Variants in B3GALT1 observed in about 807,000 individuals in gnomAD.
B3GALT1 encodes the protein UDP-Gal:betaGlcNAc beta 1,3-galactosyltransferase, polypeptide 1.
B3GALT1 carries 10 observed loss-of-function variants against 23.2 expected under a neutral mutation model. The observed-to-expected ratio is 0.43, with a 90% CI of 0.27 to 0.73. The LOEUF (loss-of-function observed/expected upper bound fraction) is 0.73, where lower values mean the gene tolerates loss of function less well. B3GALT1 is among the 30% of genes least tolerant of loss of function. B3GALT1 has a pLI of 0.21. For missense variants in B3GALT1, 299 were observed against 405.4 expected, an observed-to-expected ratio of 0.74 and a Z score of 2.25; for synonymous variants, 156 against 141.5, an observed-to-expected ratio of 1.10 and a Z score of -0.73.
At chr2:167,843,264 A>G (rs1399457456) in intron 4 of B3GALT1, among the ~76,000 whole-genome samples, 2 of 152,226 alleles carry the variant, frequency 1.3e-5, no homozygotes, top group Admixed American at 6.5e-5. Flanking sequence ...ATGAAAGATT[A>G]TTTCAAGATA....
chr2:167,533,909 C>T (rs1056449444), intron 2 of B3GALT1, among the ~76,000 whole-genome samples: 2 of 152,102 alleles, frequency 1.3e-5, no homozygotes, highest in Non-Finnish European at 2.9e-5. Context: ...GACAGGTGTA[C>T]TATTCAAAGG....
At chr2:167,713,977 A>G (rs1243201308) in intron 3 of B3GALT1, 4 of 1,556,144 alleles carry the variant, frequency 2.6e-6, no homozygotes, top group Non-Finnish European at 3.5e-6. Flanking sequence ...CACTGATTGC[A>G]GCAAGAGGTG....
At chr2:167,839,633 C>A (rs1388784670) in intron 4 of B3GALT1, among the ~76,000 whole-genome samples, 1 of 152,258 alleles carries the variant, frequency 6.6e-6, no homozygotes, top group African/African-American at 2.4e-5. Context: ...AATGCCATCC[C>A]CATCAAGCTA....
chr2:167,453,610 G>A (rs1442939169), intron 1 of B3GALT1, among the ~76,000 whole-genome samples: 1 of 152,126 alleles, frequency 6.6e-6, no homozygotes, highest in Admixed American at 6.6e-5. Context: ...CAATGTAAAA[G>A]GGAAATTATG....
intron 1 of B3GALT1, among the ~76,000 whole-genome samples, chr2:167,436,506 GT>G (rs1207977655): frequency 4.6e-5 from 7 of 152,164 alleles, no homozygotes; most frequent in Non-Finnish European, 8.8e-5. Flanking sequence ...CTTCATTGCT[GT>G]TAGTTACCAC....
intron 1 of B3GALT1, among the ~76,000 whole-genome samples, chr2:167,356,011 T>A (rs942778471): frequency 6.6e-6 from 1 of 152,178 alleles, no homozygotes; most frequent in East Asian, 1.9e-4. Flanking sequence ...TACAGTAATG[T>A]TTACAGCAAC....
intron 2 of B3GALT1, among the ~76,000 whole-genome samples, chr2:167,605,480 A>G (rs2105427498): frequency 2.0e-5 from 1 of 51,206 alleles, no homozygotes; most frequent in Middle Eastern, 0.013. Flanking sequence ...GAGGGCTCAG[A>G]TGGCATGTCA....
At chr2:167,369,082 TGTGTGTGTGTGTGTGTGTG>T in intron 1 of B3GALT1, among the ~76,000 whole-genome samples, 1 of 12,414 alleles carries the variant, frequency 8.1e-5, no homozygotes, top group South Asian at 4.5e-3. Context: ...TGTGTGTGTG[TGTGTGTGTGTGTGTGTGTG>T]TGTGTGTATC....
At chr2:167,838,425 A>G (rs1689543577) in intron 4 of B3GALT1, among the ~76,000 whole-genome samples, 4 of 152,288 alleles carry the variant, frequency 2.6e-5, no homozygotes, top group Admixed American at 2.6e-4. Context: ...TAGAAAATCT[A>G]GCAGAAATGG....
chr2:167,656,566 A>G (rs564339761), intron 3 of B3GALT1, among the ~76,000 whole-genome samples: 26 of 152,186 alleles, frequency 1.7e-4, no homozygotes, highest in Non-Finnish European at 3.4e-4. Context: ...AGGAAGAAGA[A>G]TTATATTTAC....
chr2:167,515,962 C>T (rs1040393133), intron 2 of B3GALT1, among the ~76,000 whole-genome samples: 1 of 152,020 alleles, frequency 6.6e-6, no homozygotes, highest in Non-Finnish European at 1.5e-5. Context: ...ATGTATTCAG[C>T]GTATTCTAGC....
At chr2:167,707,386 A>G (rs1686981575) in intron 3 of B3GALT1, among the ~76,000 whole-genome samples, 1 of 152,058 alleles carries the variant, frequency 6.6e-6, no homozygotes, top group Admixed American at 6.5e-5. Flanking sequence ...AAACAACACA[A>G]TTTTACTATC....
intron 2 of B3GALT1, among the ~76,000 whole-genome samples, chr2:167,607,754 A>G (rs899140899): frequency 7.2e-5 from 11 of 152,206 alleles, no homozygotes; most frequent in African/African-American, 2.7e-4. Flanking sequence ...GGCTCCTACT[A>G]CAATTTCACT....
intron 3 of B3GALT1, among the ~76,000 whole-genome samples, chr2:167,724,667 A>G (rs1687282100): frequency 6.6e-6 from 1 of 152,250 alleles, no homozygotes; most frequent in East Asian, 1.9e-4. Flanking sequence ...TATTAGAAAT[A>G]AATCATATCT....
intron 3 of B3GALT1, among the ~76,000 whole-genome samples, chr2:167,725,645 A>G (rs2105260243): frequency 6.6e-6 from 1 of 152,244 alleles, no homozygotes. Context: ...CCCTTAATAT[A>G]AGTGTGGTTA....
At chr2:167,678,945 C>T (rs1042336647) in intron 3 of B3GALT1, among the ~76,000 whole-genome samples, 1 of 151,868 alleles carries the variant, frequency 6.6e-6, no homozygotes, top group Non-Finnish European at 1.5e-5. Flanking sequence ...GTAATGTATG[C>T]ACTTCTATTT....
intron 3 of B3GALT1, among the ~76,000 whole-genome samples, chr2:167,807,560 AT>A (rs1472090564): frequency 2.6e-5 from 4 of 151,492 alleles, no homozygotes. Flanking sequence ...TTCTGCCTTC[AT>A]TTCGTTATGT....
intron 2 of B3GALT1, among the ~76,000 whole-genome samples, chr2:167,548,325 C>G (rs573355684): frequency 6.6e-6 from 1 of 152,168 alleles, no homozygotes; most frequent in South Asian, 2.1e-4. Flanking sequence ...CCAACTCCAC[C>G]TCCATTATCA....
At chr2:167,327,248 T>A (rs1392896876) in intron 1 of B3GALT1, among the ~76,000 whole-genome samples, 1 of 152,130 alleles carries the variant, frequency 6.6e-6, no homozygotes, top group Non-Finnish European at 1.5e-5. Context: ...TTGGGTTTCA[T>A]ACAAATTTTA....
Sources: allele counts gnomAD v4.1 joint callset (sites outside exome capture counted in the v4.1 genomes callset), GRCh38; gene constraint gnomAD v4.1.1; transcripts MANE v1.5; gene names NCBI Gene and HGNC (gene_info 2026-07-23, HGNC 2026-07-21).